Variants in NHSL1 observed in about 807,000 individuals in gnomAD.
NHSL1 encodes the protein NHS-like protein 1.
A neutral mutation model predicts 95.0 loss-of-function variants in NHSL1; 48 were observed. That is an observed-to-expected ratio of 0.51 (90% CI 0.40 to 0.64). The LOEUF (loss-of-function observed/expected upper bound fraction) is 0.64, where lower values mean the gene tolerates loss of function less well. NHSL1 is among the 30% of genes least tolerant of loss of function. The probability of loss-of-function intolerance (pLI) is 0.00; values close to 1 mark genes in which losing one functional copy is unlikely to be tolerated. For synonymous variants in NHSL1, 783 were observed against 833.9 expected (o/e 0.94, Z 1.05); for missense variants, 1,971 against 2,077.7 (o/e 0.95, Z 1.00).
chr6:138,507,032 T>C (rs1367820054), intron 1 of NHSL1, among the ~76,000 whole-genome samples: 1 of 152,232 alleles, frequency 6.6e-6, no homozygotes, highest in Non-Finnish European at 1.5e-5. Context: ...TGTTCATTTC[T>C]TAGTAGTCTA....
chr6:138,625,946 A>C (rs988629780), intron 1 of NHSL1, among the ~76,000 whole-genome samples: 4 of 152,330 alleles, frequency 2.6e-5, no homozygotes, highest in Middle Eastern at 3.4e-3. Context: ...CCCAACCGAA[A>C]GTATTTGTTG....
chr6:138,560,888 G>A (rs548315956), intron 1 of NHSL1, among the ~76,000 whole-genome samples: 48 of 152,334 alleles, frequency 3.2e-4, no homozygotes, highest in African/African-American at 1.0e-3. Context: ...AGGGAATAGA[G>A]GCAAGGGAAC....
At chr6:138,465,692 T>C (rs185984811) in intron 3 of NHSL1, among the ~76,000 whole-genome samples, 4 of 152,074 alleles carry the variant, frequency 2.6e-5, no homozygotes, top group Non-Finnish European at 5.9e-5. Context: ...TTTTGCAGCA[T>C]CTGATATATC....
chr6:138,441,089 T>C (rs1039427776), intron 5 of NHSL1, among the ~76,000 whole-genome samples: 2 of 152,162 alleles, frequency 1.3e-5, no homozygotes, highest in African/African-American at 4.8e-5. Flanking sequence ...CAAACAACCC[T>C]AAGAGGTAGG....
chr6:138,682,878 G>C (rs980460494), intron 1 of NHSL1, among the ~76,000 whole-genome samples: 1 of 152,200 alleles, frequency 6.6e-6, no homozygotes, highest in Non-Finnish European at 1.5e-5. Context: ...GTAACCCGGA[G>C]ATGAACAGCT....
intron 3 of NHSL1, 64 bp from the exon 4 acceptor site, chr6:138,447,257 T>C (rs1776924294): frequency 7.5e-7 from 1 of 1,328,666 alleles, no homozygotes; most frequent in Non-Finnish European, 1.0e-6. Context: ...TTTTAAAATA[T>C]ATTTCTTATT....
intron 1 of NHSL1, among the ~76,000 whole-genome samples, chr6:138,516,043 C>T (rs1391300032): frequency 6.6e-6 from 1 of 152,212 alleles, no homozygotes; most frequent in Non-Finnish European, 1.5e-5. Flanking sequence ...GCCTCAGCAG[C>T]CGGCCTAGCA....
upstream of NHSL1, among the ~76,000 whole-genome samples, chr6:138,500,657 C>A (rs192764227): frequency 6.6e-6 from 1 of 151,370 alleles, no homozygotes; most frequent in East Asian, 2.0e-4. Flanking sequence ...ATATAAGGGG[C>A]TCTGTCTAGG....
intron 1 of NHSL1, among the ~76,000 whole-genome samples, chr6:138,552,385 A>C (rs1583400642): frequency 6.6e-6 from 1 of 151,976 alleles, no homozygotes; most frequent in African/African-American, 2.4e-5. Context: ...ATGCCACTGC[A>C]CTCCAGCCTG....
intron 1 of NHSL1, among the ~76,000 whole-genome samples, chr6:138,570,784 C>G (rs1406292451): frequency 6.6e-6 from 1 of 152,224 alleles, no homozygotes; most frequent in Non-Finnish European, 1.5e-5. Context: ...AGCAAGGTTT[C>G]TTTTGGCATG....
At chr6:138,597,077 C>T (rs1370830359) in intron 1 of NHSL1, among the ~76,000 whole-genome samples, 1 of 152,134 alleles carries the variant, frequency 6.6e-6, no homozygotes, top group Admixed American at 6.6e-5. Flanking sequence ...AGGAGAATCG[C>T]TTGAACCTGG....
At chr6:138,637,924 A>G (rs1784907989) in intron 1 of NHSL1, among the ~76,000 whole-genome samples, 1 of 152,234 alleles carries the variant, frequency 6.6e-6, no homozygotes, top group Admixed American at 6.5e-5. Flanking sequence ...GATATCTGCC[A>G]TATTTGTTGC....
At chr6:138,572,847 G>GTAGACAGA (rs1783889677), upstream of NHSL1, among the ~76,000 whole-genome samples, 1 of 149,738 alleles carries the variant, frequency 6.7e-6, no homozygotes, top group Admixed American at 6.6e-5. Context: ...GCTTAATACA[G>GTAGACAGA]TAGATAGATA....
chr6:138,599,893 G>A (rs1022286368), intron 1 of NHSL1, among the ~76,000 whole-genome samples: 1 of 152,116 alleles, frequency 6.6e-6, no homozygotes, highest in African/African-American at 2.4e-5. Flanking sequence ...TGTAATCCCA[G>A]CACTTTGAGA....
At chr6:138,525,465 A>G (rs576569580) in intron 1 of NHSL1, among the ~76,000 whole-genome samples, 37 of 151,770 alleles carry the variant, frequency 2.4e-4, no homozygotes, top group South Asian at 1.7e-3. Context: ...GAAGTCGAGG[A>G]TGTAGTGAGC....
At chr6:138,644,490 G>T (rs988952537) in intron 1 of NHSL1, among the ~76,000 whole-genome samples, 1 of 152,142 alleles carries the variant, frequency 6.6e-6, no homozygotes, top group Admixed American at 6.6e-5. Flanking sequence ...GCAACAGAGC[G>T]AGATTCCATC....
chr6:138,474,078 G>A (rs1039667352), intron 2 of NHSL1, among the ~76,000 whole-genome samples: 1 of 152,122 alleles, frequency 6.6e-6, no homozygotes, highest in Middle Eastern at 3.2e-3. Context: ...ATGGATCTCG[G>A]GGTACTGGGG....
intron 3 of NHSL1, among the ~76,000 whole-genome samples, chr6:138,472,822 ACTT>A (rs1268335740): frequency 1.3e-5 from 2 of 152,236 alleles, no homozygotes; most frequent in Non-Finnish European, 2.9e-5. Context: ...AAGTAAATGC[ACTT>A]CTTCTATTCT....
At chr6:138,646,304 G>A (rs750054678) in intron 1 of NHSL1, among the ~76,000 whole-genome samples, 6 of 152,120 alleles carry the variant, frequency 3.9e-5, no homozygotes, top group Admixed American at 2.0e-4. Flanking sequence ...CAAAGAACCT[G>A]TTGTAAGGAT....
Sources: allele counts gnomAD v4.1 joint callset (sites outside exome capture counted in the v4.1 genomes callset), GRCh38; gene constraint gnomAD v4.1.1; transcripts MANE v1.5; gene names NCBI Gene and HGNC (gene_info 2026-07-23, HGNC 2026-07-21).